Variants in SAMHD1 observed in about 807,000 individuals in gnomAD.
SAMHD1 encodes SAM and HD domain containing deoxynucleoside triphosphate triphosphohydrolase 1.
In SAMHD1, 54 loss-of-function variants were observed where a neutral mutation model predicts 79.6. The ratio of observed to expected loss-of-function variants is 0.68; its 90% CI spans 0.55 to 0.85. SAMHD1 has a LOEUF of 0.85. Ranked by LOEUF, SAMHD1 falls within the 40% of genes least tolerant of loss-of-function variation. The probability of loss-of-function intolerance (pLI) is 0.00; values close to 1 mark genes in which losing one functional copy is unlikely to be tolerated. For missense variants in SAMHD1, 663 were observed against 782.7 expected, an observed-to-expected ratio of 0.85 and a Z score of 1.82; for synonymous variants, 260 against 264.1, an observed-to-expected ratio of 0.98 and a Z score of 0.15.
At chr20:36,942,181 C>T (rs1347949050) in intron 2 of SAMHD1, among the ~76,000 whole-genome samples, 8 of 152,216 alleles carry the variant, frequency 5.3e-5, no homozygotes, top group African/African-American at 1.7e-4. Flanking sequence ...TTTGGGAGGC[C>T]GAGGTGGGTG....
At chr20:36,940,957 C>G in intron 3 of SAMHD1, 82 bp downstream of exon 3, 1 of 1,048,306 alleles carries the variant, frequency 9.5e-7, no homozygotes, top group East Asian at 2.5e-5. Context: ...AGATTTCCTC[C>G]TATTCTCTTC....
At chr20:36,913,293 G>A (rs565573961) in intron 9 of SAMHD1, among the ~76,000 whole-genome samples, 2 of 150,576 alleles carry the variant, frequency 1.3e-5, no homozygotes, top group African/African-American at 2.4e-5. Flanking sequence ...CACTGTGCCC[G>A]GCCAAGAACT....
chr20:36,939,253 C>CAAAAAAAAAAA (rs57018620), intron 3 of SAMHD1, among the ~76,000 whole-genome samples: 1 of 36,636 alleles, frequency 2.7e-5, no homozygotes, highest in Non-Finnish European at 4.4e-5. Context: ...GACTCCCTCT[C>CAAAAAAAAAAA]AAAAAAAAAA....
intron 15 of SAMHD1, chr20:36,893,920 T>TG (rs1990142934): frequency 2.5e-6 from 1 of 398,610 alleles, no homozygotes; most frequent in Non-Finnish European, 4.4e-6. Context: ...TGGGAGGCTC[T>TG]GGTGGGAGAC....
At chr20:36,934,847 G>C in intron 4 of SAMHD1, 182 bp downstream of exon 4, 1 of 562,250 alleles carries the variant, frequency 1.8e-6, no homozygotes, top group African/African-American at 1.9e-5. Flanking sequence ...TAGTAAAGAT[G>C]GGGTTTCACA....
At chr20:36,939,844 G>C (rs368437294) in intron 3 of SAMHD1, among the ~76,000 whole-genome samples, 7 of 152,140 alleles carry the variant, frequency 4.6e-5, no homozygotes, top group African/African-American at 1.7e-4. Context: ...TCTATTTCCT[G>C]TCACTAACAA....
At chr20:36,927,661 G>T (rs920792170) in intron 5 of SAMHD1, among the ~76,000 whole-genome samples, 2 of 152,062 alleles carry the variant, frequency 1.3e-5, no homozygotes, top group Non-Finnish European at 2.9e-5. Flanking sequence ...AATAGCAAAA[G>T]AAATTAATAA....
chr20:36,943,933 C>T (rs1305113759), intron 2 of SAMHD1, among the ~76,000 whole-genome samples: 1 of 151,540 alleles, frequency 6.6e-6, no homozygotes, highest in South Asian at 2.1e-4. Flanking sequence ...CAAAAATTAG[C>T]CGGGCATGGT....
At chr20:36,914,151 A>C (rs932880174) in intron 9 of SAMHD1, among the ~76,000 whole-genome samples, 1 of 151,960 alleles carries the variant, frequency 6.6e-6, no homozygotes, top group Non-Finnish European at 1.5e-5. Flanking sequence ...ACTACAGTTG[A>C]CCTTTAACAA....
rs752755786 is a variant in SAMHD1 at position 36,897,826 on chromosome 20, G to A, written c.1742C>T (p.Pro581Leu). ...TGTGAGTAACAGGCCACCTACCTGC[G>A]GCTTGGTGAAATTTCTGTCTGCACA... is the stretch of plus-strand genomic sequence containing the variant. ...QWCADRNFTK[P>L]QDGDVIAPLI... The change falls in exon 15 of 16, where the codon CCG becomes CTG. Residue 581 changes from proline to leucine, a missense_variant. Coordinates refer to ENST00000646673, the MANE Select transcript of SAMHD1 (RefSeq NM_015474.4). The A allele has an allele frequency of 9.9e-6, 16 of 1,613,984 alleles. No individual in the cohort carries two copies. The highest frequency in any genetic ancestry group is 5.3e-5 in the African/African-American group (4 of 74,896).
At chr20:36,949,346 G>C (rs1046978958) in intron 1 of SAMHD1, among the ~76,000 whole-genome samples, 2 of 151,736 alleles carry the variant, frequency 1.3e-5, no homozygotes, top group Non-Finnish European at 2.9e-5. Flanking sequence ...GGGCATGGTG[G>C]CTCACACTTG....
Position 36,941,048 on chromosome 20 carries a change from A to G in SAMHD1, c.339T>C (p.Asp113=), listed in dbSNP as rs2146144529. 1 of 1,612,468 alleles carries G rather than the reference A, an allele frequency of 6.2e-7. No homozygotes were observed. Among genetic ancestry groups the G allele is most frequent in the Non-Finnish European group, 8.5e-7 (1 of 1,178,638 alleles). ...ACTCAGATCCTCTTACCTTCATTGT[A>G]TCAACGTGGATTTGAACCAATCGCT... is the stretch of plus-strand genomic sequence containing the variant. ...YIQRLVQIHV[D]TMKVINDPIH... is the part of the protein sequence containing the mutation. The change falls in exon 3 of 16, where the codon GAT becomes GAC. Residue 113 remains aspartate (D), a synonymous_variant. Transcript: ENST00000646673.
At chr20:36,913,863 C>T (rs1413601569) in intron 9 of SAMHD1, among the ~76,000 whole-genome samples, 2 of 150,970 alleles carry the variant, frequency 1.3e-5, no homozygotes, top group Admixed American at 6.6e-5. Flanking sequence ...AACCGATTCT[C>T]GTACCTCATC....
intron 13 of SAMHD1, among the ~76,000 whole-genome samples, chr20:36,898,876 C>A (rs1990248329): frequency 7.1e-6 from 1 of 140,598 alleles, no homozygotes; most frequent in South Asian, 2.2e-4. Flanking sequence ...CGCACCACTG[C>A]ACTCCAGCCT....
rs1424458270 is a variant in SAMHD1, at chr20:36,892,575, G to A, written c.*357C>T. 10 of 302,106 alleles carry A rather than the reference G, an allele frequency of 3.3e-5. No homozygotes were observed. The allele number at this position is 302,106 out of a possible 1,614,324, so 18.7% of individuals were successfully genotyped here. ...GGGGGCTGAGGCAGGAGGGTCGCTTGAGCCCAGGAAAGTTCGAGTCCAAGC... is the reference window on the plus strand; with the variant it reads ...GGGGGCTGAGGCAGGAGGGTCGCTTAAGCCCAGGAAAGTTCGAGTCCAAGC... On this transcript the variant is annotated 3_prime_UTR_variant, in exon 16 of 16. Transcript: ENST00000646673.
chr20:36,912,284 T>C (rs1395466677), intron 10 of SAMHD1, 177 bp downstream of exon 10: 1 of 586,658 alleles, frequency 1.7e-6, no homozygotes, highest in Non-Finnish European at 3.0e-6. Flanking sequence ...ACTTCCCTCC[T>C]TTTCCTCCAA....
At chr20:36,928,216 T>G (rs1601139041) in intron 5 of SAMHD1, among the ~76,000 whole-genome samples, 1 of 151,270 alleles carries the variant, frequency 6.6e-6, no homozygotes, top group Admixed American at 6.6e-5. Context: ...GTAAAAACCC[T>G]GTCTCTACTA....
intron 1 of SAMHD1, among the ~76,000 whole-genome samples, chr20:36,950,054 CA>C (rs2063723354): frequency 6.6e-6 from 1 of 152,050 alleles, no homozygotes; most frequent in Non-Finnish European, 1.5e-5. Flanking sequence ...TTGGTCAAGA[CA>C]AAGCAGAAGC....
chr20:36,913,602 C>G (rs1032429833), intron 9 of SAMHD1, among the ~76,000 whole-genome samples: 2 of 132,330 alleles, frequency 1.5e-5, no homozygotes, highest in African/African-American at 5.6e-5. Context: ...GACTCCAACT[C>G]AAAGAAAAAA....
Sources: allele counts gnomAD v4.1 joint callset (sites outside exome capture counted in the v4.1 genomes callset), GRCh38; gene constraint gnomAD v4.1.1; transcripts MANE v1.5; gene names NCBI Gene and HGNC (gene_info 2026-07-23, HGNC 2026-07-21).